The following GTF2I variants were observed in gnomAD, a reference collection of about 807,000 sequenced individuals.
GTF2I encodes general transcription factor IIi, also known as general transcription factor II-I.
GTF2I carries 12 observed loss-of-function variants against 67.6 expected under a neutral mutation model. The ratio of observed to expected loss-of-function variants is 0.18; its 90% CI spans 0.11 to 0.29. The LOEUF (loss-of-function observed/expected upper bound fraction) is 0.29. Among genes scored for constraint, GTF2I ranks in the 10% least tolerant of loss-of-function variants. The pLI, the probability that GTF2I is intolerant of heterozygous loss-of-function variation, is 1.00. For missense variants in GTF2I, 271 were observed against 580.1 expected (o/e 0.47, Z 5.47); for synonymous variants, 149 against 197.0 (o/e 0.76, Z 2.04).
chr7:74,682,098 A>G (rs1787326867), intron 1 of GTF2I, among the ~76,000 whole-genome samples: 1 of 152,222 alleles, frequency 6.6e-6, no homozygotes. Flanking sequence ...ATGTGGAGCC[A>G]GTATAACCTT....
chr7:74,665,039 A>G (rs1804850084), intron 1 of GTF2I, among the ~76,000 whole-genome samples: 1 of 150,608 alleles, frequency 6.6e-6, no homozygotes, highest in South Asian at 2.1e-4. Context: ...TACTGGGTTC[A>G]AGCGATTTTC....
At chr7:74,715,816 T>C (rs1056925043) in intron 10 of GTF2I, among the ~76,000 whole-genome samples, 2 of 152,086 alleles carry the variant, frequency 1.3e-5, no homozygotes, top group Non-Finnish European at 2.9e-5. Flanking sequence ...AATTGTGACA[T>C]GCTAAAGCTA....
In GTF2I at chr7:74,669,285, A is replaced by G. The variant is rs587612553; in HGVS notation, c.-6+11217A>G. On this transcript the variant is annotated intron_variant, in intron 1 of 34. Coordinates refer to ENST00000573035, the MANE Select transcript of GTF2I (RefSeq NM_032999.4). ...GCTCTGTCTCCCAGGCTGGAGTGCA[A>G]TGGCACAATCTCAGCTCAGTACAAC... Among the ~76,000 whole-genome samples the G allele has an allele frequency of 3.1e-5, 4 of 127,868 alleles. No homozygotes were observed. In the Admixed American group the frequency reaches 3.6e-4, roughly 12 times the overall value. 83.9% of individuals were successfully genotyped at this position (127,868 alleles called of 152,430 possible). A position where few individuals can be genotyped will look rare whatever the true frequency, so the allele number is the denominator to read the frequency against.
chr7:74,665,865 C>G (rs113316428), intron 1 of GTF2I, among the ~76,000 whole-genome samples: 3 of 151,782 alleles, frequency 2.0e-5, no homozygotes, highest in Admixed American at 6.6e-5. Flanking sequence ...ATGGAGTCTC[C>G]CTCTGTCACC....
At chr7:74,688,654 T>C (rs1554396050) in intron 1 of GTF2I, among the ~76,000 whole-genome samples, 2 of 152,142 alleles carry the variant, frequency 1.3e-5, no homozygotes, top group African/African-American at 4.8e-5. Context: ...ATCTTACATG[T>C]TACTTGATGC....
intron 1 of GTF2I, among the ~76,000 whole-genome samples, chr7:74,684,251 T>C (rs1236519756): frequency 2.6e-5 from 4 of 152,236 alleles, no homozygotes; most frequent in African/African-American, 9.6e-5. Flanking sequence ...CATTTCTTTT[T>C]CCAACCCTTC....
intron 8 of GTF2I, among the ~76,000 whole-genome samples, chr7:74,706,913 C>A (rs186417508): frequency 2.0e-5 from 3 of 152,180 alleles, no homozygotes; most frequent in Admixed American, 2.0e-4. Context: ...TGCAGTGGCA[C>A]GACCTCGGCT....
At chr7:74,660,176 T>TTC (rs1186641794) in intron 1 of GTF2I, among the ~76,000 whole-genome samples, 5 of 151,606 alleles carry the variant, frequency 3.3e-5, no homozygotes, top group African/African-American at 1.2e-4. Flanking sequence ...CCTTAAGGTC[T>TTC]TCTCTTTTTT....
chr7:74,730,750 T>G (rs1554406529), intron 14 of GTF2I, among the ~76,000 whole-genome samples: 1 of 106,338 alleles, frequency 9.4e-6, no homozygotes, highest in Non-Finnish European at 1.7e-5. Context: ...TGAGACGGAG[T>G]CTCTGCATTG....
intron 4 of GTF2I, chr7:74,699,915 T>C (rs1421897258): frequency 8.9e-6 from 2 of 225,428 alleles, no homozygotes; most frequent in Non-Finnish European, 1.8e-5. Context: ...TGTGCTGGGC[T>C]TCTGTATTCT....
chr7:74,672,434 G>A (rs1364082011), intron 1 of GTF2I, among the ~76,000 whole-genome samples: 1 of 151,866 alleles, frequency 6.6e-6, no homozygotes, highest in African/African-American at 2.4e-5. Flanking sequence ...CCAGCTACTC[G>A]GGAGCTGAGG....
At chr7:74,689,907 G>A (rs587725898) in intron 2 of GTF2I, among the ~76,000 whole-genome samples, 55 of 151,940 alleles carry the variant, frequency 3.6e-4, no homozygotes, top group African/African-American at 1.2e-3. Context: ...AGTAGAGACA[G>A]GGTTTCACCA....
Position 74,724,487 on chromosome 7 carries a change from T to C in GTF2I, c.944-4299T>C, listed in dbSNP as rs781786651. The stretch of plus-strand genomic sequence containing the variant: ...TTATCTTTAGGTGTATTCGTTAATA[T>C]GTTGCAAAAAGGAAGTTGGTGTTTT... On this transcript the variant is annotated intron_variant, in intron 12 of 34. Transcript: ENST00000573035. Among the ~76,000 whole-genome samples, 256 of 152,338 alleles carry C rather than the reference T, an allele frequency of 1.7e-3. 1 individual carries two copies. The highest frequency in any genetic ancestry group is 1.7e-3 in the Non-Finnish European group (117 of 68,032).
intron 1 of GTF2I, among the ~76,000 whole-genome samples, chr7:74,671,078 C>A (rs1805406739): frequency 1.7e-5 from 2 of 115,718 alleles, no homozygotes; most frequent in African/African-American, 6.9e-5. Context: ...TTGGGCAGAT[C>A]CTTTTTTTTT....
Position 74,690,957 on chromosome 7 carries a change from G to A in GTF2I, c.100-16G>A. ...AACGTCCGCCTGTAACATGATGTTT[G>A]CTGTTTGTATTGTAGTGTAAAGAAC... is the stretch of plus-strand genomic sequence containing the variant. On this transcript the variant is annotated splice_polypyrimidine_tract_variant and intron_variant, in intron 2 of 34. Transcript: ENST00000573035. 2.5e-6 allele frequency: 4 copies of A among 1,603,578 alleles called. No homozygotes were observed. The highest frequency in any genetic ancestry group is 3.4e-6 in the Non-Finnish European group (4 of 1,177,230).
chr7:74,674,468 G>A (rs1403900058), intron 1 of GTF2I, among the ~76,000 whole-genome samples: 2 of 152,074 alleles, frequency 1.3e-5, no homozygotes, highest in African/African-American at 2.4e-5. Flanking sequence ...TCTGCCCATC[G>A]TTTTGGTGAT....
chr7:74,700,095 TG>T, intron 4 of GTF2I, 151 bp from the exon 5 acceptor site: 1 of 762,970 alleles, frequency 1.3e-6, no homozygotes. Context: ...TCTGCTGACA[TG>T]GGGAGATAGA....
chr7:74,721,546 A>AT (rs1175537323), intron 12 of GTF2I, among the ~76,000 whole-genome samples: 1 of 151,854 alleles, frequency 6.6e-6, no homozygotes, highest in East Asian at 1.9e-4. Flanking sequence ...TATTATATAT[A>AT]AAAAATATGT....
chr7:74,722,500 C>CA (rs1273966634), intron 12 of GTF2I, among the ~76,000 whole-genome samples: 1 of 152,152 alleles, frequency 6.6e-6, no homozygotes, highest in East Asian at 1.9e-4. Context: ...CTTTCTTGCG[C>CA]AGTTCTCTCT....
Sources: allele counts gnomAD v4.1 joint callset (sites outside exome capture counted in the v4.1 genomes callset), GRCh38; gene constraint gnomAD v4.1.1; transcripts MANE v1.5; gene names NCBI Gene and HGNC (gene_info 2026-07-23, HGNC 2026-07-21).